Variants in HTR1F observed in about 807,000 individuals in gnomAD.
HTR1F encodes 5-hydroxytryptamine (serotonin) receptor 1F, G protein-coupled.
A neutral mutation model predicts 24.0 loss-of-function variants in HTR1F; 17 were observed. That is an observed-to-expected ratio of 0.71 (90% confidence interval 0.48 to 1.06). HTR1F has a LOEUF of 1.06. Ranked by LOEUF, HTR1F falls within the 50% of genes least tolerant of loss-of-function variation. HTR1F has a pLI of 0.00. For missense variants in HTR1F, 391 were observed against 427.8 expected (o/e 0.91, Z 0.76); for synonymous variants, 186 against 156.8 (o/e 1.19, Z -1.39).
intron 2 of HTR1F, among the ~76,000 whole-genome samples, chr3:87,987,550 G>A (rs1559659962): frequency 6.7e-6 from 1 of 149,442 alleles, no homozygotes; most frequent in Non-Finnish European, 1.5e-5. Context: ...TATGAGAGAA[G>A]GGGAGTTAAA....
At chr3:87,840,453 G>T (rs1204302538) in intron 2 of HTR1F, among the ~76,000 whole-genome samples, 4 of 152,062 alleles carry the variant, frequency 2.6e-5, no homozygotes, top group Non-Finnish European at 4.4e-5. Context: ...GGAGAAAAGG[G>T]AAGCTTTATA....
chr3:87,950,241 C>G (rs1291793439), intron 2 of HTR1F, among the ~76,000 whole-genome samples: 2 of 152,206 alleles, frequency 1.3e-5, no homozygotes, highest in African/African-American at 2.4e-5. Context: ...CCTCCCAATA[C>G]TGCCAAACTG....
intron 2 of HTR1F, among the ~76,000 whole-genome samples, chr3:87,873,699 T>A (rs1427240879): frequency 1.3e-5 from 2 of 152,154 alleles, no homozygotes; most frequent in Non-Finnish European, 2.9e-5. Context: ...GCAAACTGAA[T>A]TCAACAGCAG....
At chr3:87,962,633 A>T (rs60033557) in intron 2 of HTR1F, among the ~76,000 whole-genome samples, 2,473 of 152,172 alleles carry the variant, frequency 0.016, 79 homozygotes, top group African/African-American at 0.055. Flanking sequence ...ATATGAAGTA[A>T]TCAGAAATTC....
chr3:87,919,107 A>G (rs146018017), intron 2 of HTR1F, among the ~76,000 whole-genome samples: 86 of 152,270 alleles, frequency 5.6e-4, no homozygotes, highest in Non-Finnish European at 8.8e-4. Context: ...AAAGCAAACA[A>G]AAACATAAAG....
chr3:87,945,112 A>ATCTC (rs112478679), intron 2 of HTR1F, among the ~76,000 whole-genome samples: 1 of 114,710 alleles, frequency 8.7e-6, no homozygotes, highest in African/African-American at 2.7e-5. Flanking sequence ...TGTCTCCTCC[A>ATCTC]TCTCTCTCTC....
At chr3:87,933,904 A>T (rs1256675689) in intron 2 of HTR1F, among the ~76,000 whole-genome samples, 1 of 152,218 alleles carries the variant, frequency 6.6e-6, no homozygotes, top group Admixed American at 6.5e-5. Context: ...TTTCCAGCCT[A>T]TAATGAGAAG....
At chr3:87,923,194 G>T (rs767755894) in intron 2 of HTR1F, among the ~76,000 whole-genome samples, 1 of 151,886 alleles carries the variant, frequency 6.6e-6, no homozygotes, top group Non-Finnish European at 1.5e-5. Context: ...AAGTCAGGTG[G>T]TATGATGCCT....
chr3:87,812,547 A>G (rs566598952), intron 1 of HTR1F, among the ~76,000 whole-genome samples: 16 of 152,324 alleles, frequency 1.1e-4, no homozygotes, highest in Admixed American at 9.1e-4. Context: ...TGGTGATGCA[A>G]TAGAAAAGAA....
intron 2 of HTR1F, among the ~76,000 whole-genome samples, chr3:87,841,949 A>T (rs1210006130): frequency 6.6e-6 from 1 of 150,836 alleles, no homozygotes; most frequent in Admixed American, 6.6e-5. Flanking sequence ...CTAAACTAAC[A>T]TAAATTTCGT....
intron 1 of HTR1F, among the ~76,000 whole-genome samples, chr3:87,816,196 T>C (rs1704247103): frequency 6.6e-6 from 1 of 152,032 alleles, no homozygotes; most frequent in Non-Finnish European, 1.5e-5. Context: ...AATTGATAAA[T>C]CCATAAAACA....
Position 87,948,412 on chromosome 3 carries a change from T to C in HTR1F, c.-42-42296T>C, listed in dbSNP as rs530864355. Among the ~76,000 whole-genome samples the C allele has an allele frequency of 2.6e-5, 4 of 152,348 alleles. No homozygotes were observed. The East Asian group carries it at 7.7e-4, about 29-fold the overall frequency. ...ATTACTTCTTCATAACATTTATTTA[T>C]GCATAAATTGAAACTCTCAAGTAAG... is the stretch of plus-strand genomic sequence containing the variant. On this transcript the variant is annotated intron_variant, in intron 2 of 2. Coordinates refer to ENST00000319595, the MANE Select transcript of HTR1F (RefSeq NM_001322209.2).
intron 2 of HTR1F, among the ~76,000 whole-genome samples, chr3:87,886,121 A>C (rs1169244208): frequency 6.6e-6 from 1 of 152,230 alleles, no homozygotes; most frequent in Non-Finnish European, 1.5e-5. Context: ...ATCTAGCATC[A>C]CATCAAAAAG....
At chr3:87,831,399 G>A (rs1704576188) in intron 2 of HTR1F, among the ~76,000 whole-genome samples, 1 of 150,250 alleles carries the variant, frequency 6.7e-6, no homozygotes, top group African/African-American at 2.4e-5. Context: ...GTCTCACTCT[G>A]TCGCCCAGGC....
intron 2 of HTR1F, among the ~76,000 whole-genome samples, chr3:87,837,951 C>G (rs1283259418): frequency 6.6e-6 from 1 of 151,646 alleles, no homozygotes; most frequent in Non-Finnish European, 1.5e-5. Flanking sequence ...TTTCTTATTT[C>G]TTACTCAAAT....
At chr3:87,955,228 A>C (rs1704918507) in intron 2 of HTR1F, among the ~76,000 whole-genome samples, 1 of 151,258 alleles carries the variant, frequency 6.6e-6, no homozygotes, top group Non-Finnish European at 1.5e-5. Flanking sequence ...TTGTCTCTGG[A>C]CTCTGGCAAC....
intron 2 of HTR1F, among the ~76,000 whole-genome samples, chr3:87,983,584 G>T (rs113057457): frequency 1.8e-4 from 27 of 152,146 alleles, no homozygotes; most frequent in African/African-American, 6.3e-4. Flanking sequence ...CTCAATGCTG[G>T]CCTATTTTCT....
chr3:87,908,979 G>A (rs1246596764), intron 2 of HTR1F, among the ~76,000 whole-genome samples: 2 of 152,070 alleles, frequency 1.3e-5, no homozygotes, highest in South Asian at 2.1e-4. Flanking sequence ...TTATGTTTTA[G>A]TAGAGTAGTA....
intron 2 of HTR1F, among the ~76,000 whole-genome samples, chr3:87,896,210 T>A (rs1706196012): frequency 6.6e-6 from 1 of 152,138 alleles, no homozygotes; most frequent in Non-Finnish European, 1.5e-5. Context: ...GGACATTACC[T>A]GAAAAGAGCT....
Sources: gnomAD v4.1 joint callset for allele counts (sites outside exome capture counted in the v4.1 genomes callset) on GRCh38, gnomAD v4.1.1 for gene constraint, MANE v1.5 for transcripts, NCBI Gene and HGNC (gene_info 2026-07-23, HGNC 2026-07-21) for gene names.